UBA52: variants seen among roughly 807,000 people sequenced by gnomAD.
UBA52 encodes the protein ubiquitin-ribosomal protein eL40 fusion protein.
A neutral mutation model predicts 15.3 loss-of-function variants in UBA52; 1 was observed. That is an observed-to-expected ratio of 0.07 (90% confidence interval 0.02 to 0.31). The LOEUF (loss-of-function observed/expected upper bound fraction) is 0.31, where lower values mean the gene tolerates loss of function less well. UBA52 is among the 10% of genes least tolerant of loss of function. The pLI, the probability that UBA52 is intolerant of heterozygous loss-of-function variation, is 1.00. For synonymous variants in UBA52, 50 were observed against 58.3 expected (o/e 0.86, Z 0.65); for missense variants, 87 against 168.0 (o/e 0.52, Z 2.66).
upstream of UBA52, chr19:18,567,406 G>A: frequency 1.5e-6 from 1 of 661,270 alleles, no homozygotes; most frequent in Non-Finnish European, 2.7e-6. Flanking sequence ...GGCCGCACAG[G>A]AGAATGTGGA....
At chr19:18,568,613 G>A, upstream of UBA52, 4 of 1,610,970 alleles carry the variant, frequency 2.5e-6, no homozygotes, top group Non-Finnish European at 3.4e-6. Context: ...CAGATGACGA[G>A]GAGATGACGG....
At position 18,576,636 on chromosome 19, in the gene UBA52, C is replaced by T. The variant is rs1014700498; in HGVS notation, c.*1486C>T. 6.6e-6 allele frequency: 1 copy of T among 151,414 alleles called. No individual in the cohort carries two copies. Among genetic ancestry groups the T allele is most frequent in the Non-Finnish European group, 1.5e-5 (1 of 67,974 alleles). 9.4% of individuals were successfully genotyped at this position (151,414 alleles called of 1,614,324 possible). A position where few individuals can be genotyped will look rare whatever the true frequency, so the allele number is the denominator to read the frequency against. On this transcript the variant is annotated 3_prime_UTR_variant, in exon 5 of 5. Coordinates refer to ENST00000442744, the MANE Select transcript of UBA52 (RefSeq NM_001033930.3). ...TTCAAACTCCTGAACTTAAAAGCCT[C>T]CTGTTTAGTTTTGGTTTTTTATCAC...
chr19:18,568,336 C>A, upstream of UBA52: 1 of 1,210,084 alleles, frequency 8.3e-7, no homozygotes, highest in Non-Finnish European at 1.2e-6. Flanking sequence ...GTCACATGGA[C>A]AATAAGTCCT....
upstream of UBA52, chr19:18,566,991 A>C: frequency 1.4e-6 from 1 of 706,718 alleles, no homozygotes; most frequent in Non-Finnish European, 2.5e-6. Context: ...GAGAGAGTGA[A>C]GATGTGAGGT....
At position 18,573,262 on chromosome 19, in the gene UBA52, C is replaced by T. The variant is rs767189679; in HGVS notation, c.-8-31C>T. On this transcript the variant is annotated intron_variant, in intron 1 of 4. Coordinates refer to ENST00000442744, the MANE Select transcript of UBA52 (RefSeq NM_001033930.3). ...GTGCTACTCAGGCATGCATTGCTCA[C>T]CAGTCTATCCTGCCTCCCTTCCTCC... 3.1e-6 allele frequency: 5 copies of T among 1,600,856 alleles called. No homozygotes were observed. In the East Asian group the frequency reaches 1.1e-4, roughly 36 times the overall value.
chr19:18,575,338 G>A lies in UBA52; in HGVS notation c.*188G>A. The A allele has an allele frequency of 1.6e-6, 1 of 637,454 alleles. No individual in the cohort carries two copies. Among genetic ancestry groups the A allele is most frequent in the Non-Finnish European group, 2.7e-6 (1 of 369,558 alleles). 39.5% of individuals were successfully genotyped at this position (637,454 alleles called of 1,614,324 possible). On this transcript the variant is annotated 3_prime_UTR_variant, in exon 5 of 5. Coordinates refer to ENST00000442744, the MANE Select transcript of UBA52 (RefSeq NM_001033930.3). ...AGCACTCCATTCTGTGCCACCTGTG[G>A]GGTCTTCTGTCCTAGATTCTGTCAC...
rs1159159357 is a variant in UBA52, at chr19:18,576,482, A to C, written c.*1332A>C. On this transcript the variant is annotated 3_prime_UTR_variant, in exon 5 of 5. Transcript: ENST00000442744. ...GGTTGGGGTGCAGTGGTAGGATCATAGCTTGCTGCAGCCTTGATCTCCCAG... is the reference window on the plus strand; with the variant it reads ...GGTTGGGGTGCAGTGGTAGGATCATCGCTTGCTGCAGCCTTGATCTCCCAG... The C allele has an allele frequency of 6.6e-6, 1 of 152,078 alleles. No individual in the cohort carries two copies. The highest frequency in any genetic ancestry group is 1.5e-5 in the Non-Finnish European group (1 of 68,026). 9.4% of individuals were successfully genotyped at this position (152,078 alleles called of 1,614,324 possible).
rs1398404739 is a variant in UBA52, at chr19:18,571,857, CTTCTT to C, written c.-58_-54del. On this transcript the variant is annotated 5_prime_UTR_variant, in exon 1 of 5. Coordinates refer to ENST00000442744, the MANE Select transcript of UBA52 (RefSeq NM_001033930.3). Reference sequence around the variant, plus strand: ...ATTAGGTGGTTTCCGGTTCCGCTATCTTCTTTTTCTTCAGCGAGGCGGCCGAGCTG... The same window carrying C: ...ATTAGGTGGTTTCCGGTTCCGCTATCTTTCTTCAGCGAGGCGGCCGAGCTG... The C allele has an allele frequency of 6.6e-6, 1 of 152,634 alleles. No individual in the cohort carries two copies. The highest frequency in any genetic ancestry group is 1.5e-5 in the Non-Finnish European group (1 of 68,312). The allele number at this position is 152,634 out of a possible 1,614,324, so 9.5% of individuals were successfully genotyped here.
upstream of UBA52, chr19:18,567,129 C>T (rs755256683): frequency 6.2e-7 from 1 of 1,614,054 alleles, no homozygotes; most frequent in South Asian, 1.1e-5. Context: ...CTCTCCCCTG[C>T]AGGACGCTGA....
At chr19:18,567,045 C>G, upstream of UBA52, 1 of 1,261,336 alleles carries the variant, frequency 7.9e-7, no homozygotes, top group South Asian at 1.2e-5. Context: ...CCCTTGCCCT[C>G]AGCTGGCAGC....
upstream of UBA52, chr19:18,568,818 T>C: frequency 1.7e-6 from 1 of 594,840 alleles, no homozygotes; most frequent in Non-Finnish European, 3.0e-6. Context: ...TTCTGGCTCC[T>C]TCCTTCCTCA....
intron 1 of UBA52, chr19:18,572,691 A>G: frequency 1.6e-6 from 1 of 610,498 alleles, no homozygotes; most frequent in Non-Finnish European, 2.1e-6. Flanking sequence ...TGGTTGGTAG[A>G]TACTAAGTGA....
At chr19:18,568,933 C>A, upstream of UBA52, 1 of 425,636 alleles carries the variant, frequency 2.3e-6, no homozygotes, top group South Asian at 2.7e-5. Flanking sequence ...CTGAGCCTGA[C>A]GTCTGCTCTG....
At chr19:18,569,946 G>C (rs931310513), upstream of UBA52, among the ~76,000 whole-genome samples, 1 of 152,102 alleles carries the variant, frequency 6.6e-6, no homozygotes, top group African/African-American at 2.4e-5. Flanking sequence ...AGGCAGAATT[G>C]CTTGAATCCA....
At chr19:18,564,665 A>G in the UBA52 span, among the ~76,000 whole-genome samples, 4 of 152,270 alleles carry the variant, frequency 2.6e-5, no homozygotes, top group East Asian at 7.8e-4. Context: ...GCTACATGAG[A>G]AGGACACACT....
At chr19:18,571,053 G>C (rs528302964), upstream of UBA52, among the ~76,000 whole-genome samples, 1 of 150,714 alleles carries the variant, frequency 6.6e-6, no homozygotes, top group Non-Finnish European at 1.5e-5. Context: ...GCTCACGTCT[G>C]TAATCCCAGC....
In UBA52 at chr19:18,575,546, G is replaced by T; in HGVS notation, c.*396G>T. The T allele has an allele frequency of 4.1e-6, 1 of 244,122 alleles. No individual in the cohort carries two copies. The highest frequency in any genetic ancestry group is 8.1e-6 in the Non-Finnish European group (1 of 123,546). The allele number at this position is 244,122 out of a possible 1,614,324, so 15.1% of individuals were successfully genotyped here. A position where few individuals can be genotyped will look rare whatever the true frequency, so the allele number is the denominator to read the frequency against. On this transcript the variant is annotated 3_prime_UTR_variant, in exon 5 of 5. Coordinates refer to ENST00000442744, the MANE Select transcript of UBA52 (RefSeq NM_001033930.3). ...TGAAGTGTCTAGGTGTGTGGAGATG[G>T]GTAGAAAATTAGGTACACCCAATGG...
the UBA52 span, chr19:18,564,967 C>T: frequency 4.3e-6 from 7 of 1,612,016 alleles, no homozygotes; most frequent in African/African-American, 2.7e-5. Context: ...CTGCACCACA[C>T]GAGGACCCTA....
the UBA52 span, among the ~76,000 whole-genome samples, chr19:18,565,532 G>A: frequency 6.6e-6 from 1 of 151,758 alleles, no homozygotes; most frequent in Non-Finnish European, 1.5e-5. Context: ...GCGCCCGGCC[G>A]AGACAGAGTC....
Sources: gnomAD v4.1 joint callset for allele counts (sites outside exome capture counted in the v4.1 genomes callset) on GRCh38, gnomAD v4.1.1 for gene constraint, MANE v1.5 for transcripts, NCBI Gene and HGNC (gene_info 2026-07-23, HGNC 2026-07-21) for gene names.